The following XKR9 variants were observed in gnomAD, a reference collection of about 807,000 sequenced individuals.
XKR9 encodes XK-related protein 9.
A neutral mutation model predicts 32.0 loss-of-function variants in XKR9; 32 were observed. The ratio of observed to expected loss-of-function variants is 1.00; its 90% CI spans 0.76 to 1.34. The LOEUF (loss-of-function observed/expected upper bound fraction) is 1.34, where lower values mean the gene tolerates loss of function less well. Ranked by LOEUF, XKR9 falls within the 40% of genes most tolerant of loss-of-function variation. The pLI is 0.00. For synonymous variants in XKR9, 168 were observed against 143.4 expected, an observed-to-expected ratio of 1.17 and a Z score of -1.22; for missense variants, 546 against 429.7, an observed-to-expected ratio of 1.27 and a Z score of -2.39.
intron 2 of XKR9, among the ~76,000 whole-genome samples, chr8:70,754,437 A>G (rs1209182477): frequency 7.8e-6 from 1 of 127,438 alleles, no homozygotes; most frequent in Non-Finnish European, 1.8e-5. Context: ...ATGAAACCAT[A>G]AAAGAGCCCG....
downstream of XKR9, among the ~76,000 whole-genome samples, chr8:70,740,555 T>A (rs1264450641): frequency 7.0e-6 from 1 of 143,770 alleles, no homozygotes; most frequent in Admixed American, 7.0e-5. Flanking sequence ...TTTTTAGAGT[T>A]TCCAGTTTTT....
At chr8:71,011,258 A>C in the XKR9 span, among the ~76,000 whole-genome samples, 1 of 152,172 alleles carries the variant, frequency 6.6e-6, no homozygotes. Flanking sequence ...TTTTTGTGCC[A>C]CTATTTTCCC....
the XKR9 span, among the ~76,000 whole-genome samples, chr8:71,024,250 C>T: frequency 2.0e-5 from 3 of 152,172 alleles, no homozygotes; most frequent in African/African-American, 7.2e-5. Flanking sequence ...GTGACAGCAG[C>T]CTCAAGTCTG....
At chr8:70,804,595 T>TG in the XKR9 span, among the ~76,000 whole-genome samples, 9 of 152,044 alleles carry the variant, frequency 5.9e-5, no homozygotes, top group Admixed American at 2.0e-4. Context: ...TAAAGGCAGG[T>TG]GGTAAGTGTG....
At chr8:70,778,273 T>A (rs1232524607) in intron 2 of XKR9, among the ~76,000 whole-genome samples, 1 of 152,226 alleles carries the variant, frequency 6.6e-6, no homozygotes, top group Admixed American at 6.5e-5. Context: ...GTGGTGTTAT[T>A]TCTGAGGCCT....
downstream of XKR9, among the ~76,000 whole-genome samples, chr8:70,791,134 A>C (rs891936747): frequency 2.0e-5 from 3 of 152,098 alleles, no homozygotes; most frequent in African/African-American, 7.2e-5. Context: ...AAGGGATTTT[A>C]TTGATTCTGT....
chr8:70,782,214 G>A (rs924440591), intron 2 of XKR9, among the ~76,000 whole-genome samples: 3 of 151,986 alleles, frequency 2.0e-5, no homozygotes, highest in Non-Finnish European at 2.9e-5. Context: ...TGCTATTCTC[G>A]GGTTTAGTCT....
intron 3 of XKR9, among the ~76,000 whole-genome samples, chr8:70,690,675 C>T (rs111462838): frequency 2.7e-4 from 41 of 152,092 alleles, no homozygotes; most frequent in African/African-American, 6.0e-4. Context: ...TGAGAACATG[C>T]GGTATTTGGT....
chr8:71,017,680 A>C, the XKR9 span, among the ~76,000 whole-genome samples: 79 of 152,362 alleles, frequency 5.2e-4, no homozygotes, highest in Non-Finnish European at 1.0e-3. Flanking sequence ...ATCCTTTGGA[A>C]TTCAGGGTAA....
At chr8:70,784,293 T>C (rs975471783) in intron 2 of XKR9, among the ~76,000 whole-genome samples, 3 of 152,188 alleles carry the variant, frequency 2.0e-5, no homozygotes, top group African/African-American at 7.2e-5. Flanking sequence ...TCACTTTGTG[T>C]AATATGGACA....
chr8:71,005,082 TG>T, the XKR9 span, among the ~76,000 whole-genome samples: 1 of 136,438 alleles, frequency 7.3e-6, no homozygotes, highest in Non-Finnish European at 1.6e-5. Context: ...CTTCCCACCT[TG>T]GCCGCCCAAA....
the XKR9 span, among the ~76,000 whole-genome samples, chr8:70,842,911 A>G: frequency 2.0e-5 from 3 of 152,198 alleles, no homozygotes; most frequent in Admixed American, 1.3e-4. Context: ...GGGGTCTACC[A>G]GATGAATTTT....
the XKR9 span, among the ~76,000 whole-genome samples, chr8:70,897,374 G>C: frequency 2.6e-5 from 4 of 152,156 alleles, no homozygotes; most frequent in African/African-American, 4.8e-5. Flanking sequence ...TCAGTATACT[G>C]ATTTCCTTTC....
chr8:70,830,969 T>C, the XKR9 span, among the ~76,000 whole-genome samples: 1 of 152,158 alleles, frequency 6.6e-6, no homozygotes, highest in Non-Finnish European at 1.5e-5. Context: ...TTTGGGGAAC[T>C]ATATGTATAC....
chr8:70,708,868 T>C lies in XKR9; in HGVS notation c.493+1715T>C, dbSNP rs1161840234. Among the ~76,000 whole-genome samples the C allele has an allele frequency of 3.9e-5, 6 of 152,154 alleles. No homozygotes were observed. In the East Asian group the frequency reaches 1.2e-3, roughly 29 times the overall value. On this transcript the variant is annotated intron_variant, in intron 4 of 4. Coordinates refer to ENST00000408926, the MANE Select transcript of XKR9 (RefSeq NM_001011720.2). ...GGCTTCATAGCTGAATACTATCAGA[T>C]GTATAAAAAAGAGCTGGTATCAATT...
At position 70,734,143 on chromosome 8, in the gene XKR9, C is replaced by G. The variant is rs1359385749; in HGVS notation, c.841C>G (p.Gln281Glu). Residue 281 changes from glutamine (Q) to glutamate (E), a missense_variant, in exon 5 of 5, where the codon CAG becomes GAG. Physicochemically the swap from Gln to Glu is conservative, Grantham distance 29 (BLOSUM62 2). Transcript: ENST00000408926. ...LIFTFFNIKG[Q>E]NTKCPMSCYY... ...CTTTACATTTTTTAATATTAAGGGA[C>G]AGAATACCAAGTGTCCAATGTCTTG... 1.9e-6 allele frequency: 3 copies of G among 1,612,164 alleles called. No homozygotes were observed. The highest frequency in any genetic ancestry group is 1.3e-5 in the African/African-American group (1 of 74,976).
At chr8:70,901,810 T>C in the XKR9 span, among the ~76,000 whole-genome samples, 4 of 152,336 alleles carry the variant, frequency 2.6e-5, no homozygotes, top group East Asian at 7.7e-4. Context: ...ATTTAAGTCT[T>C]TAATCCATCT....
chr8:70,956,305 T>C, the XKR9 span, among the ~76,000 whole-genome samples: 1 of 152,112 alleles, frequency 6.6e-6, no homozygotes, highest in Non-Finnish European at 1.5e-5. Flanking sequence ...AGGAAGCTCA[T>C]CTTAGTCACC....
At chr8:70,717,532 G>A (rs1348893375) in intron 4 of XKR9, among the ~76,000 whole-genome samples, 1 of 152,120 alleles carries the variant, frequency 6.6e-6, no homozygotes, top group Non-Finnish European at 1.5e-5. Flanking sequence ...CTTTACATTG[G>A]CCCCTTTTAG....
Sources: allele counts gnomAD v4.1 joint callset (sites outside exome capture counted in the v4.1 genomes callset), GRCh38; gene constraint gnomAD v4.1.1; transcripts MANE v1.5; gene names NCBI Gene and HGNC (gene_info 2026-07-23, HGNC 2026-07-21).